Variants in EME1 observed in about 807,000 individuals in gnomAD.
EME1 encodes structure-specific endonuclease subunit EME1.
Under a neutral mutation model 59.1 loss-of-function variants are expected in EME1, and 61 were observed. The observed-to-expected ratio is 1.03, with a 90% CI of 0.84 to 1.28. The LOEUF is 1.28. Among genes scored for constraint, EME1 ranks in the 50% most tolerant of loss-of-function variants. The pLI, the probability that EME1 is intolerant of heterozygous loss-of-function variation, is 0.00. For missense variants in EME1, 635 were observed against 682.6 expected (o/e 0.93, Z 0.78); for synonymous variants, 230 against 254.2 (o/e 0.90, Z 0.90).
Position 50,375,683 on chromosome 17 carries a change from A to G in EME1, c.475A>G (p.Lys159Glu), listed in dbSNP as rs1231714171. 1 of 1,614,008 alleles carries G rather than the reference A, an allele frequency of 6.2e-7. No individual in the cohort carries two copies. Among genetic ancestry groups the G allele is most frequent in the African/African-American group, 1.3e-5 (1 of 74,910 alleles). ...CCCAGAGAGGAGTGCAGCAGATAAC[A>G]AGGACCTGATCTTAGATCCATGCTG... ...DTPERSAADNKDLILDPCCQL... is the reference protein window; with the variant it reads ...DTPERSAADNEDLILDPCCQL... The change falls in exon 2 of 9, where the codon AAG becomes GAG. Residue 159 changes from lysine to glutamate, a missense_variant. Transcript: ENST00000338165.
Position 50,378,876 on chromosome 17 carries a change from G to A in EME1, c.1093G>A (p.Asp365Asn). 2 of 1,614,240 alleles carry A rather than the reference G, an allele frequency of 1.2e-6. No homozygotes were observed. The highest frequency in any genetic ancestry group is 2.2e-5 in the South Asian group (2 of 91,090). ...GAAAGCTCTGTCACTGGTGATTGTG[G>A]ATCAGGAGAAATGCTTCAGGTTTGG... ...AGKALSLVIV[D>N]QEKCFSAQNP... Residue 365 changes from aspartate to asparagine, a missense_variant, in exon 5 of 9, where the codon GAT becomes AAT. Coordinates refer to ENST00000338165, the MANE Select transcript of EME1 (RefSeq NM_152463.4).
intron 1 of EME1, 169 bp from the exon 2 acceptor site, chr17:50,375,016 G>A (rs894027089): frequency 5.7e-6 from 3 of 529,346 alleles, no homozygotes; most frequent in Middle Eastern, 5.0e-4. Context: ...ATTCCTGTTA[G>A]ATTACCAGGA....
chr17:50,376,078 T>C lies in EME1; in HGVS notation c.788T>C (p.Met263Thr). The C allele has an allele frequency of 6.2e-7, 1 of 1,613,594 alleles. No homozygotes were observed. The highest frequency in any genetic ancestry group is 8.5e-7 in the Non-Finnish European group (1 of 1,179,756). ...CCATCTGTTGCAGTGCTCTTACAGA[T>C]GGAAGGTGGGGGCCAGCTCCTAGGA... ...IVVLDPVLLQ[M>T]EGGGQLLGAL... Residue 263 changes from methionine to threonine, a missense_variant, in exon 3 of 9, where the codon ATG (methionine) becomes ACG (threonine). Physicochemically the swap from Met to Thr is moderately conservative, Grantham distance 81 (BLOSUM62 -1). Transcript: ENST00000338165.
chr17:50,379,413 TC>T, intron 6 of EME1, 38 bp from the exon 7 acceptor site: 1 of 1,607,576 alleles, frequency 6.2e-7, no homozygotes, highest in Non-Finnish European at 8.5e-7. Context: ...GCTAGTCTCT[TC>T]CTACCCTTCC....
Position 50,380,477 on chromosome 17 carries a change from T to G in EME1, c.1512T>G (p.Tyr504Ter). 6.2e-7 allele frequency: 1 copy of G among 1,613,906 alleles called. No individual in the cohort carries two copies. Among genetic ancestry groups the G allele is most frequent in the South Asian group, 1.1e-5 (1 of 91,054 alleles). Reference sequence around the variant, plus strand: ...TGGCCAGTGCAGTTGTGAATGCCTATCCCTCCCCACAGCTCCTGGTACAGG... The same window carrying G: ...TGGCCAGTGCAGTTGTGAATGCCTAGCCCTCCCCACAGCTCCTGGTACAGG... The part of the protein sequence containing the change: ...LEMASAVVNA[Y>*]PSPQLLVQAY... The change falls in exon 8 of 9, where the codon TAT becomes TAG. Residue 504 changes from tyrosine to a stop codon, truncating the protein, a stop_gained. Transcript: ENST00000338165. LOFTEE classifies it high-confidence loss of function.
At position 50,375,229 on chromosome 17, in the gene EME1, A is replaced by G; in HGVS notation, c.21A>G (p.Ser7=). The G allele has an allele frequency of 6.2e-7, 1 of 1,614,086 alleles. No homozygotes were observed. The change falls in exon 2 of 9, where the codon TCA becomes TCG. Residue 7 remains serine (S), a synonymous_variant. Coordinates refer to ENST00000338165, the MANE Select transcript of EME1 (RefSeq NM_152463.4). MALKKS[S]PSLDSGDSDS... ...TACTGATGGCTCTAAAGAAGTCATCACCCTCACTGGATTCTGGTGATAGTG... is the reference window on the plus strand; with the variant it reads ...TACTGATGGCTCTAAAGAAGTCATCGCCCTCACTGGATTCTGGTGATAGTG...
rs908274583 is a variant in EME1 at position 50,381,133 on chromosome 17, A to G, written c.*194A>G. 2.2e-5 allele frequency: 14 copies of G among 632,202 alleles called. No individual in the cohort carries two copies. The highest frequency in any genetic ancestry group is 3.2e-5 in the Non-Finnish European group (12 of 375,992). 39.2% of individuals were successfully genotyped at this position (632,202 alleles called of 1,614,324 possible). ...GGCAGAGACTGAAATACTGCCACCT[A>G]CCTTTGGCATTTAATGTTCCTCTCC... On this transcript the variant is annotated 3_prime_UTR_variant, in exon 9 of 9. Coordinates refer to ENST00000338165, the MANE Select transcript of EME1 (RefSeq NM_152463.4).
rs1658716297 is a variant in EME1, at chr17:50,378,889, G to A, written c.1106G>A (p.Cys369Tyr). Reference protein sequence around the residue: ...LSLVIVDQEKCFSAQNPPRRG... With the variant: ...LSLVIVDQEKYFSAQNPPRRG... ...CTGGTGATTGTGGATCAGGAGAAAT[G>A]CTTCAGGTTTGGATTTGCCCTGGTG... is the stretch of plus-strand genomic sequence containing the variant. Residue 369 changes from cysteine (C) to tyrosine (Y), a missense_variant, in exon 5 of 9, where the codon TGC (cysteine) becomes TAC (tyrosine). Transcript: ENST00000338165. 2 of 1,614,112 alleles carry A rather than the reference G, an allele frequency of 1.2e-6. No individual in the cohort carries two copies. Among genetic ancestry groups the A allele is most frequent in the Admixed American group, 3.3e-5 (2 of 60,010 alleles).
At chr17:50,377,250 T>C (rs946495726) in intron 3 of EME1, among the ~76,000 whole-genome samples, 2 of 152,182 alleles carry the variant, frequency 1.3e-5, no homozygotes, top group Middle Eastern at 3.4e-3. Flanking sequence ...TCCCACATTC[T>C]CTCTTGTGTT....
chr17:50,379,745 C>G (rs115450148), intron 7 of EME1, 178 bp downstream of exon 7: 1 of 593,290 alleles, frequency 1.7e-6, no homozygotes, highest in Non-Finnish European at 3.0e-6. Context: ...TCAAGCCTAG[C>G]GCCTTTTCAA....
rs1411559206 is a variant in EME1 at position 50,380,758 on chromosome 17, TC to T, written c.1537-3del. ...CCATATTAAGAGGTCATCTACCACT[TC>T]CAGGCTTATCAGCAGTGTTTTTCGG... On this transcript the variant is annotated splice_region_variant and splice_polypyrimidine_tract_variant and intron_variant, in intron 8 of 8. Coordinates refer to ENST00000338165, the MANE Select transcript of EME1 (RefSeq NM_152463.4). 1 of 1,613,890 alleles carries T rather than the reference TC, an allele frequency of 6.2e-7. No individual in the cohort carries two copies. Among genetic ancestry groups the T allele is most frequent in the Non-Finnish European group, 8.5e-7 (1 of 1,180,026 alleles).
intron 3 of EME1, among the ~76,000 whole-genome samples, chr17:50,377,416 C>T (rs1913530867): frequency 6.6e-6 from 1 of 152,172 alleles, no homozygotes; most frequent in African/African-American, 2.4e-5. Flanking sequence ...TCTTGCTTTG[C>T]TTATAGGGAC....
At chr17:50,380,662 A>G in intron 8 of EME1, 101 bp from the exon 9 acceptor site, 1 of 1,559,142 alleles carries the variant, frequency 6.4e-7, no homozygotes, top group South Asian at 1.2e-5. Context: ...GGGAGGGAGG[A>G]CAGGTTCTCA....
intron 6 of EME1, 46 bp from the exon 7 acceptor site, chr17:50,379,406 A>G: frequency 6.2e-7 from 1 of 1,601,038 alleles, no homozygotes; most frequent in Non-Finnish European, 8.5e-7. Flanking sequence ...CTTGGCAGCT[A>G]GTCTCTTCCT....
chr17:50,376,234 T>G, intron 3 of EME1, 41 bp downstream of exon 3: 1 of 1,601,436 alleles, frequency 6.2e-7, no homozygotes, highest in East Asian at 2.2e-5. Context: ...TCTCCTCCCC[T>G]TACAATTACA....
Position 50,375,527 on chromosome 17 carries a change from C to T in EME1, c.319C>T (p.His107Tyr), listed in dbSNP as rs1366062243. ...AAGGCTTACATGTAAGTTTCTGACCCACAAGCAACTGAGCCCTGAGGACTC... is the reference window on the plus strand; with the variant it reads ...AAGGCTTACATGTAAGTTTCTGACCTACAAGCAACTGAGCCCTGAGGACTC... ...AQRLTCKFLT[H>Y]KQLSPEDSSS... The change falls in exon 2 of 9, where the codon CAC (histidine) becomes TAC (tyrosine). Residue 107 changes from histidine to tyrosine, a missense_variant. His to Tyr is a moderately conservative substitution (Grantham distance 83). Coordinates refer to ENST00000338165, the MANE Select transcript of EME1 (RefSeq NM_152463.4). 6.2e-7 allele frequency: 1 copy of T among 1,613,774 alleles called. No individual in the cohort carries two copies. Among genetic ancestry groups the T allele is most frequent in the Non-Finnish European group, 8.5e-7 (1 of 1,179,886 alleles).
intron 3 of EME1, 109 bp downstream of exon 3, chr17:50,376,302 T>C (rs921575992): frequency 6.7e-7 from 1 of 1,485,216 alleles, no homozygotes; most frequent in Admixed American, 1.9e-5. Context: ...GGAAGACAGA[T>C]GGCACATTCA....
At position 50,375,215 on chromosome 17, in the gene EME1, C is replaced by G. The variant is rs543903545; in HGVS notation, c.7C>G (p.Leu3Val). Reference sequence around the variant, plus strand: ...TATTTGATAGCACATACTGATGGCTCTAAAGAAGTCATCACCCTCACTGGA... The same window carrying G: ...TATTTGATAGCACATACTGATGGCTGTAAAGAAGTCATCACCCTCACTGGA... The part of the protein sequence containing the change: MA[L>V]KKSSPSLDSG... Residue 3 changes from leucine to valine, a missense_variant, in exon 2 of 9, where the codon CTA becomes GTA. By Grantham distance (32) the Leu-to-Val change is conservative. Transcript: ENST00000338165. The G allele has an allele frequency of 6.2e-7, 1 of 1,613,836 alleles. No homozygotes were observed. Among genetic ancestry groups the G allele is most frequent in the Non-Finnish European group, 8.5e-7 (1 of 1,179,914 alleles).
At chr17:50,379,777 G>A (rs1355951260) in intron 7 of EME1, 1 of 544,622 alleles carries the variant, frequency 1.8e-6, no homozygotes, top group East Asian at 3.1e-5. Flanking sequence ...TCGCCTATAT[G>A]TAAGTATGTG....
Sources: allele counts gnomAD v4.1 joint callset (sites outside exome capture counted in the v4.1 genomes callset), GRCh38; gene constraint gnomAD v4.1.1; transcripts MANE v1.5; gene names NCBI Gene and HGNC (gene_info 2026-07-23, HGNC 2026-07-21).